The following SENP1 variants were observed in gnomAD, a reference collection of about 807,000 sequenced individuals.
SENP1 encodes the protein SUMO specific peptidase 1.
Under a neutral mutation model 93.0 loss-of-function variants are expected in SENP1, and 21 were observed. The observed-to-expected ratio is 0.23, with a 90% CI of 0.16 to 0.33. SENP1 has a LOEUF of 0.33. Among genes scored for constraint, SENP1 ranks in the 10% least tolerant of loss-of-function variants. The probability of loss-of-function intolerance (pLI) is 1.00; values close to 1 mark genes in which losing one functional copy is unlikely to be tolerated. For missense variants in SENP1, 591 were observed against 758.7 expected, an observed-to-expected ratio of 0.78 and a Z score of 2.60; for synonymous variants, 256 against 259.6, an observed-to-expected ratio of 0.99 and a Z score of 0.13.
In SENP1 at chr12:48,076,643, C is replaced by CT. The variant is rs1000682233; in HGVS notation, c.553-1851dup. Among the ~76,000 whole-genome samples, 132 of 117,608 alleles carry CT rather than the reference C, an allele frequency of 1.1e-3. 1 individual carries two copies. The highest frequency in any genetic ancestry group is 3.3e-3 in the African/African-American group (119 of 36,588). 77.2% of individuals were successfully genotyped at this position (117,608 alleles called of 152,430 possible). A position where few individuals can be genotyped will look rare whatever the true frequency, so the allele number is the denominator to read the frequency against. On this transcript the variant is annotated intron_variant, in intron 6 of 17. Transcript: ENST00000549518. ...CACAGCACCCAATATGTAGTTTTTGCTTTTTTTTTTTCTTTTTTGAGACGG... is the reference window on the plus strand; with the variant it reads ...CACAGCACCCAATATGTAGTTTTTGCTTTTTTTTTTTTCTTTTTTGAGACGG...
Position 48,063,759 on chromosome 12 carries a change from G to C in SENP1, c.1358C>G (p.Thr453Arg), listed in dbSNP as rs560532172. The change falls in exon 13 of 18, where the codon ACA becomes AGA. Residue 453 changes from threonine to arginine, a missense_variant. By Grantham distance (71) the Thr-to-Arg change is moderately conservative. This residue lies in a region of SENP1 where 238 missense variants were observed against 259.1 expected (regional missense o/e 0.92). Coordinates refer to ENST00000549518, the MANE Select transcript of SENP1 (RefSeq NM_001267594.2). The stretch of plus-strand genomic sequence containing the variant: ...GTTTAGAGTTTGAATATCTTTGCGT[G>C]TAATGGTCAGGCGAAATGCTTCACT... ...VLSEAFRLTI[T>R]RKDIQTLNHL... 5.6e-6 allele frequency: 9 copies of C among 1,613,204 alleles called. No individual in the cohort carries two copies. In the South Asian group the frequency reaches 8.8e-5, roughly 16 times the overall value.
intron 1 of SENP1, among the ~76,000 whole-genome samples, chr12:48,102,810 CAAA>C (rs1221712691): frequency 1.1e-4 from 9 of 83,132 alleles, no homozygotes; most frequent in Non-Finnish European, 1.3e-4. Flanking sequence ...GACTCCGTCT[CAAA>C]AAAAAAAAAA....
intron 6 of SENP1, 94 bp from the exon 7 acceptor site, chr12:48,074,887 A>G: frequency 1.3e-6 from 1 of 790,638 alleles, no homozygotes; most frequent in Non-Finnish European, 2.1e-6. Flanking sequence ...AGCTCTGCCA[A>G]AGCTCAGGCA....
At chr12:48,059,415 C>A (rs1942810159) in intron 13 of SENP1, among the ~76,000 whole-genome samples, 1 of 151,982 alleles carries the variant, frequency 6.6e-6, no homozygotes, top group Admixed American at 6.6e-5. Flanking sequence ...ATATATTTTT[C>A]ATTTCTAGAA....
At chr12:48,046,932 A>C in intron 16 of SENP1, 46 bp downstream of exon 16, 3 of 1,305,682 alleles carry the variant, frequency 2.3e-6, no homozygotes, top group Non-Finnish European at 3.3e-6. Flanking sequence ...TTTCCTCCCC[A>C]AATACCCTAC....
At chr12:48,072,344 A>G (rs1384311006) in intron 8 of SENP1, among the ~76,000 whole-genome samples, 2 of 152,196 alleles carry the variant, frequency 1.3e-5, no homozygotes, top group East Asian at 3.8e-4. Flanking sequence ...CCCTTACTTA[A>G]TAATGTCCCC....
At chr12:48,094,686 T>A (rs1038888869) in intron 4 of SENP1, among the ~76,000 whole-genome samples, 1 of 151,598 alleles carries the variant, frequency 6.6e-6, no homozygotes, top group Non-Finnish European at 1.5e-5. Flanking sequence ...TCTCAAAAAA[T>A]AATAATAATA....
chr12:48,086,895 A>G (rs140560174), intron 5 of SENP1, among the ~76,000 whole-genome samples: 47 of 152,106 alleles, frequency 3.1e-4, no homozygotes, highest in Middle Eastern at 3.4e-3. Flanking sequence ...AAAAATTAGC[A>G]GGACATGGTG....
chr12:48,087,273 A>C (rs1209150631), intron 5 of SENP1, among the ~76,000 whole-genome samples: 1 of 152,210 alleles, frequency 6.6e-6, no homozygotes, highest in Non-Finnish European at 1.5e-5. Flanking sequence ...ATGTAGAAGG[A>C]TATGTACTAA....
chr12:48,098,772 AC>A (rs1945733123), intron 2 of SENP1, among the ~76,000 whole-genome samples: 1 of 152,098 alleles, frequency 6.6e-6, no homozygotes, highest in South Asian at 2.1e-4. Context: ...TCATCACACC[AC>A]TGCACTCCAG....
intron 13 of SENP1, among the ~76,000 whole-genome samples, chr12:48,061,649 C>A (rs1246805986): frequency 2.6e-5 from 4 of 152,134 alleles, no homozygotes; most frequent in African/African-American, 7.2e-5. Context: ...CTCAGGTGAT[C>A]CTCTCACCTT....
In SENP1 at chr12:48,084,915, T is replaced by C. The variant is rs1160731010; in HGVS notation, c.381-1153A>G. On this transcript the variant is annotated intron_variant, in intron 5 of 17. Coordinates refer to ENST00000549518, the MANE Select transcript of SENP1 (RefSeq NM_001267594.2). ...ATCAACTCTTTAAAATCATTACATG[T>C]GGTCTGAATCCAAATCAGACAAGAT... The C allele has an allele frequency of 4.1e-6, 2 of 491,344 alleles. 1 individual carries two copies. Among genetic ancestry groups the C allele is most frequent in the Admixed American group, 7.4e-5 (2 of 27,204 alleles). The allele number at this position is 491,344 out of a possible 1,614,324, so 30.4% of individuals were successfully genotyped here.
intron 13 of SENP1, among the ~76,000 whole-genome samples, chr12:48,049,724 G>C (rs902477382): frequency 6.6e-6 from 1 of 152,180 alleles, no homozygotes; most frequent in Admixed American, 6.5e-5. Context: ...GTAGAACTAA[G>C]TGACAGGAGA....
chr12:48,062,390 A>G (rs1425261857), intron 13 of SENP1, among the ~76,000 whole-genome samples: 1 of 152,226 alleles, frequency 6.6e-6, no homozygotes, highest in Non-Finnish European at 1.5e-5. Flanking sequence ...CTGAGCCAAA[A>G]GAGGCAAAGA....
chr12:48,078,334 T>TATATATATATATATATATATATAC, intron 6 of SENP1, among the ~76,000 whole-genome samples: 785 of 67,586 alleles, frequency 0.012, 20 homozygotes, highest in South Asian at 0.027. Context: ...TATATATATA[T>TATATATATATATATATATATATAC]ACACACACAT....
chr12:48,072,880 C>T (rs1207116050), intron 8 of SENP1, among the ~76,000 whole-genome samples: 2 of 151,416 alleles, frequency 1.3e-5, no homozygotes, highest in African/African-American at 4.9e-5. Flanking sequence ...TGGTGGGGGG[C>T]GGGTCTTGGA....
intron 4 of SENP1, among the ~76,000 whole-genome samples, chr12:48,091,549 T>G (rs1336229430): frequency 6.6e-6 from 1 of 152,222 alleles, no homozygotes; most frequent in Non-Finnish European, 1.5e-5. Context: ...GCAGGATGTT[T>G]AAATAATATT....
intron 6 of SENP1, among the ~76,000 whole-genome samples, chr12:48,077,554 A>T (rs1565780609): frequency 1.3e-5 from 2 of 152,144 alleles, no homozygotes; most frequent in African/African-American, 4.8e-5. Flanking sequence ...CCTTTGTCAA[A>T]AATCAGTCAA....
chr12:48,046,768 CT>C (rs999894979), intron 16 of SENP1, among the ~76,000 whole-genome samples: 17 of 152,062 alleles, frequency 1.1e-4, no homozygotes, highest in Admixed American at 1.0e-3. Flanking sequence ...AGTAAAATAT[CT>C]GGGCATTTAG....
Sources: gnomAD v4.1 joint callset for allele counts (sites outside exome capture counted in the v4.1 genomes callset) on GRCh38, gnomAD v4.1.1 for gene constraint, gnomAD v4.1.1 regional missense constraint, MANE v1.5 for transcripts, NCBI Gene and HGNC (gene_info 2026-07-23, HGNC 2026-07-21) for gene names.